Variants in CACNA1I observed in about 807,000 individuals in gnomAD.
The protein encoded by CACNA1I is voltage-dependent T-type calcium channel subunit alpha-1I.
A neutral mutation model predicts 201.6 loss-of-function variants in CACNA1I; 74 were observed. That is an observed-to-expected ratio of 0.37 (90% CI 0.30 to 0.45). The LOEUF (loss-of-function observed/expected upper bound fraction) is 0.45, where lower values mean the gene tolerates loss of function less well. Ranked by LOEUF, CACNA1I falls within the 20% of genes least tolerant of loss-of-function variation. The pLI is 1.00. For missense variants in CACNA1I, 2,346 were observed against 3,138.1 expected (o/e 0.75, Z 6.03); for synonymous variants, 1,431 against 1,345.2 (o/e 1.06, Z -1.40).
chr22:39,680,314 T>C (rs1039128585), intron 33 of CACNA1I, among the ~76,000 whole-genome samples: 3 of 152,296 alleles, frequency 2.0e-5, no homozygotes, highest in Admixed American at 1.3e-4. Flanking sequence ...GGGGTTCCCA[T>C]GGGCCTGCCT....
In CACNA1I at chr22:39,570,995, T is replaced by C. The variant is rs765944815; in HGVS notation, c.236+7T>C. 1 of 1,610,372 alleles carries C rather than the reference T, an allele frequency of 6.2e-7. No individual in the cohort carries two copies. Among genetic ancestry groups the C allele is most frequent in the Admixed American group, 1.7e-5 (1 of 59,968 alleles). ...TCAAGATGGTGTGCAACCCATATCCTCCGCAGCCTCGGCTGATCGGGGCCC... is the reference window on the plus strand; with the variant it reads ...TCAAGATGGTGTGCAACCCATATCCCCCGCAGCCTCGGCTGATCGGGGCCC... On this transcript the variant is annotated splice_region_variant and intron_variant, in intron 1 of 36. Coordinates refer to ENST00000402142, the MANE Select transcript of CACNA1I (RefSeq NM_021096.4).
In CACNA1I at chr22:39,598,373, C is replaced by T. The variant is rs553690528; in HGVS notation, c.348+111C>T. 1.1e-3 allele frequency: 718 copies of T among 635,638 alleles called. 5 individuals are homozygous for T. In the African/African-American group the frequency reaches 0.012, roughly 10 times the overall value. 39.4% of individuals were successfully genotyped at this position (635,638 alleles called of 1,614,324 possible). On this transcript the variant is annotated intron_variant, in intron 2 of 36. Transcript: ENST00000402142. Reference sequence around the variant, plus strand: ...ATGTCCTGGCCTTGCCCCGCCCACTCCATGCCCCGCCCCGCTCCGTGCCCT... The same window carrying T: ...ATGTCCTGGCCTTGCCCCGCCCACTTCATGCCCCGCCCCGCTCCGTGCCCT...
chr22:39,653,178 G>T (rs936065500), intron 10 of CACNA1I, among the ~76,000 whole-genome samples: 5 of 136,406 alleles, frequency 3.7e-5, no homozygotes, highest in African/African-American at 1.3e-4. Context: ...TGAGAACCTG[G>T]CGCTTAGTAG....
chr22:39,617,042 G>C (rs1367703167), intron 3 of CACNA1I, among the ~76,000 whole-genome samples: 1 of 152,136 alleles, frequency 6.6e-6, no homozygotes, highest in Non-Finnish European at 1.5e-5. Context: ...GGTCCGGGGT[G>C]GAATGGAGGG....
At chr22:39,617,881 C>T (rs1218959318) in intron 3 of CACNA1I, among the ~76,000 whole-genome samples, 2 of 140,490 alleles carry the variant, frequency 1.4e-5, no homozygotes, top group Non-Finnish European at 3.1e-5. Context: ...CTCCCTCTTT[C>T]CTCCCTCCCC....
intron 29 of CACNA1I, 60 bp downstream of exon 29, chr22:39,674,093 G>A (rs1000113553): frequency 2.0e-6 from 3 of 1,489,986 alleles, no homozygotes; most frequent in Non-Finnish European, 2.8e-6. Context: ...CTGGGCCCTG[G>A]GGCATGAAGG....
intron 3 of CACNA1I, among the ~76,000 whole-genome samples, chr22:39,616,788 GAAAA>G (rs1179148532): frequency 5.7e-5 from 3 of 52,178 alleles, no homozygotes; most frequent in Admixed American, 1.6e-4. Flanking sequence ...AAAAAAAAAA[GAAAA>G]GAAAAAGAAA....
intron 7 of CACNA1I, among the ~76,000 whole-genome samples, chr22:39,643,813 T>C (rs1934407549): frequency 6.6e-6 from 1 of 152,220 alleles, no homozygotes; most frequent in Non-Finnish European, 1.5e-5. Flanking sequence ...TATTCAGCAT[T>C]GCCATCCATG....
chr22:39,589,995 G>A (rs1932803262), intron 1 of CACNA1I, among the ~76,000 whole-genome samples: 1 of 147,902 alleles, frequency 6.8e-6, no homozygotes, highest in Non-Finnish European at 1.5e-5. Context: ...AGAGCCCCCC[G>A]AATCACAGAA....
chr22:39,587,047 C>G (rs973865406), intron 1 of CACNA1I, among the ~76,000 whole-genome samples: 2 of 152,212 alleles, frequency 1.3e-5, no homozygotes, highest in Admixed American at 6.5e-5. Flanking sequence ...TCTGGCAAAT[C>G]TCTTCGGCTG....
intron 1 of CACNA1I, among the ~76,000 whole-genome samples, chr22:39,573,418 G>C (rs1932247355): frequency 6.6e-6 from 1 of 152,120 alleles, no homozygotes; most frequent in East Asian, 1.9e-4. Flanking sequence ...GGCTCTGGCT[G>C]GGCTGGCTGG....
intron 6 of CACNA1I, 34 bp from the exon 7 acceptor site, chr22:39,642,763 G>A: frequency 6.6e-7 from 1 of 1,516,738 alleles, no homozygotes; most frequent in Non-Finnish European, 9.0e-7. Context: ...TGATGGGCCA[G>A]TCCTCTCGGC....
intron 10 of CACNA1I, among the ~76,000 whole-genome samples, chr22:39,655,723 C>G (rs1198906528): frequency 6.6e-6 from 1 of 152,076 alleles, no homozygotes; most frequent in Non-Finnish European, 1.5e-5. Context: ...TCCCCTCCTC[C>G]TTGGGCTCCC....
Position 39,665,004 on chromosome 22 carries a change from C to G in CACNA1I, c.3851+81C>G, listed in dbSNP as rs533147795. The G allele has an allele frequency of 7.9e-7, 1 of 1,273,056 alleles. No individual in the cohort carries two copies. Among genetic ancestry groups the G allele is most frequent in the South Asian group, 1.3e-5 (1 of 74,150 alleles). 78.9% of individuals were successfully genotyped at this position (1,273,056 alleles called of 1,614,324 possible). On this transcript the variant is annotated intron_variant, in intron 21 of 36. Coordinates refer to ENST00000402142, the MANE Select transcript of CACNA1I (RefSeq NM_021096.4). The surrounding 1 kb of genome is among the most constrained non-coding windows in gnomAD (Gnocchi z 5.5). ...CACGGGTCGAATTGGGCCCTCACTC[C>G]GCCCTCCCCGCCCGCCCACTCGGTC...
chr22:39,576,192 G>T (rs1377181201), intron 1 of CACNA1I, among the ~76,000 whole-genome samples: 4 of 152,218 alleles, frequency 2.6e-5, no homozygotes, highest in Non-Finnish European at 5.9e-5. Flanking sequence ...TTAATGGGTT[G>T]ATTAAAGATG....
Position 39,684,796 on chromosome 22 carries a change from G to GGA in CACNA1I, c.6027+300_6027+301dup, listed in dbSNP as rs924555073. 1.7e-5 allele frequency: 10 copies of GGA among 581,632 alleles called. No homozygotes were observed. In the African/African-American group the frequency reaches 1.9e-4, roughly 11 times the overall value. The allele number at this position is 581,632 out of a possible 1,614,324, so 36.0% of individuals were successfully genotyped here. On this transcript the variant is annotated intron_variant, in intron 36 of 36. Coordinates refer to ENST00000402142, the MANE Select transcript of CACNA1I (RefSeq NM_021096.4). This position sits in a 1 kb window ranked among gnomAD's most constrained non-coding sequence, Gnocchi z 4.6. ...TTGAGGGGAGGGGAGGAGAGGAGGAGGAGTACTGGAGGTTTTGCAGGGTGG... is the reference window on the plus strand; with the variant it reads ...TTGAGGGGAGGGGAGGAGAGGAGGAGGAGAGTACTGGAGGTTTTGCAGGGTGG...
At position 39,659,187 on chromosome 22, in the gene CACNA1I, G is replaced by T; in HGVS notation, c.2330+71G>T. 2 of 1,573,376 alleles carry T rather than the reference G, an allele frequency of 1.3e-6. No individual in the cohort carries two copies. Among genetic ancestry groups the T allele is most frequent in the Non-Finnish European group, 1.7e-6 (2 of 1,158,612 alleles). On this transcript the variant is annotated intron_variant, in intron 12 of 36. Coordinates refer to ENST00000402142, the MANE Select transcript of CACNA1I (RefSeq NM_021096.4). This position sits in a 1 kb window ranked among gnomAD's most constrained non-coding sequence, Gnocchi z 4.3. Reference sequence around the variant, plus strand: ...TGTGGGCGGGAGCCTGGGGGATGTGGTCCACTGTGCTTCTCTGGACAAAGC... The same window carrying T: ...TGTGGGCGGGAGCCTGGGGGATGTGTTCCACTGTGCTTCTCTGGACAAAGC...
Position 39,634,555 on chromosome 22 carries a change from C to T in CACNA1I, c.581-10C>T, listed in dbSNP as rs1203028245. The T allele has an allele frequency of 6.2e-7, 1 of 1,613,770 alleles. No homozygotes were observed. Among genetic ancestry groups the T allele is most frequent in the Non-Finnish European group, 8.5e-7 (1 of 1,179,778 alleles). ...CTGTCTGACCATCCCTCCACCTTTT[C>T]CCCTCCCAGGTATGCGGATCCTGGT... On this transcript the variant is annotated splice_polypyrimidine_tract_variant and intron_variant, in intron 4 of 36. Coordinates refer to ENST00000402142, the MANE Select transcript of CACNA1I (RefSeq NM_021096.4).
intron 1 of CACNA1I, among the ~76,000 whole-genome samples, chr22:39,575,182 C>T (rs769393774): frequency 3.7e-4 from 56 of 152,244 alleles, no homozygotes; most frequent in African/African-American, 1.1e-3. Flanking sequence ...ACTTGAATCA[C>T]GGGGAGGTGG....
Sources: gnomAD v4.1 joint callset for allele counts (sites outside exome capture counted in the v4.1 genomes callset) on GRCh38, gnomAD v4.1.1 for gene constraint, Gnocchi (gnomAD v3.1) non-coding constraint, MANE v1.5 for transcripts, NCBI Gene and HGNC (gene_info 2026-07-23, HGNC 2026-07-21) for gene names.